GALNT13: variants seen among roughly 807,000 people sequenced by gnomAD.
GALNT13 encodes UDP-GalNAc:polypeptide N-acetylgalactosaminyltransferase 13.
GALNT13 carries 28 observed loss-of-function variants against 64.2 expected under a neutral mutation model. The ratio of observed to expected loss-of-function variants is 0.44; its 90% CI spans 0.32 to 0.60. The LOEUF is 0.60. Among genes scored for constraint, GALNT13 ranks in the 20% least tolerant of loss-of-function variants. The probability of loss-of-function intolerance (pLI) is 0.05; values close to 1 mark genes in which losing one functional copy is unlikely to be tolerated. For missense variants in GALNT13, 577 were observed against 669.8 expected (o/e 0.86, Z 1.53); for synonymous variants, 214 against 224.6 (o/e 0.95, Z 0.42).
At chr2:154,155,445 T>A (rs1365143376) in intron 4 of GALNT13, among the ~76,000 whole-genome samples, 1 of 152,056 alleles carries the variant, frequency 6.6e-6, no homozygotes, top group Non-Finnish European at 1.5e-5. Context: ...GGAGGAATAT[T>A]TGACTTCTGT....
intron 3 of GALNT13, among the ~76,000 whole-genome samples, chr2:153,997,789 C>A (rs1695621068): frequency 6.6e-6 from 1 of 152,076 alleles, no homozygotes; most frequent in Non-Finnish European, 1.5e-5. Context: ...GCTATCCCTT[C>A]CCTAGCCCCC....
chr2:154,245,389 G>A (rs10490532), intron 6 of GALNT13, among the ~76,000 whole-genome samples: 3,176 of 151,960 alleles, frequency 0.021, 80 homozygotes, highest in African/African-American at 0.064. Flanking sequence ...CTAAACTAAC[G>A]TACCCTACTT....
At chr2:154,332,331 A>G (rs1240251437) in intron 9 of GALNT13, among the ~76,000 whole-genome samples, 2 of 152,004 alleles carry the variant, frequency 1.3e-5, no homozygotes, top group East Asian at 3.9e-4. Flanking sequence ...TGGTTTTTAC[A>G]AGAGTTCCCT....
chr2:153,549,183 AATG>A, the GALNT13 span, among the ~76,000 whole-genome samples: 3 of 152,180 alleles, frequency 2.0e-5, no homozygotes, highest in Non-Finnish European at 2.9e-5. Context: ...ATTAGATAGT[AATG>A]ATGTTTGCAC....
intron 3 of GALNT13, among the ~76,000 whole-genome samples, chr2:154,079,008 T>C (rs1701131202): frequency 6.6e-6 from 1 of 151,770 alleles, no homozygotes; most frequent in South Asian, 2.1e-4. Context: ...TTAGCTATTA[T>C]CATTTCAAGA....
At chr2:154,027,225 C>T (rs1261040346) in intron 3 of GALNT13, among the ~76,000 whole-genome samples, 1 of 152,176 alleles carries the variant, frequency 6.6e-6, no homozygotes, top group African/African-American at 2.4e-5. Context: ...CTCACCTCTT[C>T]CTTGTTCCTA....
At chr2:153,438,382 G>A in the GALNT13 span, among the ~76,000 whole-genome samples, 4 of 152,264 alleles carry the variant, frequency 2.6e-5, no homozygotes, top group East Asian at 5.8e-4. Context: ...TGCTTTGCTC[G>A]ATTGGGGAAG....
intron 4 of GALNT13, among the ~76,000 whole-genome samples, chr2:154,211,629 C>CG: frequency 2.6e-5 from 1 of 37,932 alleles, no homozygotes; most frequent in Non-Finnish European, 4.4e-5. Flanking sequence ...ACTCCATCTC[C>CG]AAAAAAAAAA....
chr2:153,570,822 G>GT, the GALNT13 span, among the ~76,000 whole-genome samples: 1 of 151,994 alleles, frequency 6.6e-6, no homozygotes, highest in Admixed American at 6.6e-5. Flanking sequence ...CTATGTGTCT[G>GT]TTTTTATGAC....
the GALNT13 span, among the ~76,000 whole-genome samples, chr2:153,137,781 C>T: frequency 1.3e-5 from 2 of 150,758 alleles, no homozygotes; most frequent in East Asian, 2.0e-4. Context: ...TCTAGGGTAA[C>T]CAACCATCTG....
the GALNT13 span, among the ~76,000 whole-genome samples, chr2:153,464,298 C>G: frequency 1.2e-4 from 19 of 152,060 alleles, no homozygotes; most frequent in African/African-American, 4.3e-4. Context: ...ATCACTGTGC[C>G]TCCAGGTGCC....
the GALNT13 span, among the ~76,000 whole-genome samples, chr2:153,660,689 G>C: frequency 1.3e-5 from 2 of 151,854 alleles, no homozygotes; most frequent in Non-Finnish European, 2.9e-5. Flanking sequence ...AGCTGCTACA[G>C]TTAAACCACT....
intron 1 of GALNT13, among the ~76,000 whole-genome samples, chr2:153,892,106 A>T (rs1403514341): frequency 6.6e-6 from 1 of 151,962 alleles, no homozygotes; most frequent in Non-Finnish European, 1.5e-5. Context: ...GCTAACTTTC[A>T]ACCTGTTATC....
At chr2:153,083,621 G>A in the GALNT13 span, among the ~76,000 whole-genome samples, 1 of 151,914 alleles carries the variant, frequency 6.6e-6, no homozygotes, top group Admixed American at 6.6e-5. Context: ...TGAGTTTCCT[G>A]TAGATTCTGG....
the GALNT13 span, among the ~76,000 whole-genome samples, chr2:153,281,018 C>T: frequency 2.0e-5 from 3 of 152,264 alleles, no homozygotes; most frequent in African/African-American, 4.8e-5. Flanking sequence ...ACTAGAAGTA[C>T]TCATTTTATG....
intron 9 of GALNT13, among the ~76,000 whole-genome samples, chr2:154,362,691 A>T (rs1168906176): frequency 1.3e-5 from 2 of 152,168 alleles, no homozygotes; most frequent in Admixed American, 1.3e-4. Flanking sequence ...AGCTAAAAAA[A>T]CTGGTCATTG....
chr2:154,222,744 C>T (rs1688384220), intron 4 of GALNT13, among the ~76,000 whole-genome samples: 1 of 152,018 alleles, frequency 6.6e-6, no homozygotes, highest in African/African-American at 2.4e-5. Flanking sequence ...TGCACTTTCC[C>T]CATATGTTAC....
intron 3 of GALNT13, among the ~76,000 whole-genome samples, chr2:154,049,772 G>T (rs1202184138): frequency 4.0e-5 from 6 of 151,714 alleles, no homozygotes; most frequent in Admixed American, 3.3e-4. Context: ...GAAAAGAATG[G>T]GTTGTCTATT....
chr2:154,097,341 G>C (rs1254363582), intron 3 of GALNT13, among the ~76,000 whole-genome samples: 1 of 151,944 alleles, frequency 6.6e-6, no homozygotes, highest in Non-Finnish European at 1.5e-5. Context: ...TATCAGAAAT[G>C]CTATTACAGG....
Sources: allele counts gnomAD v4.1 joint callset (sites outside exome capture counted in the v4.1 genomes callset), GRCh38; gene constraint gnomAD v4.1.1; transcripts MANE v1.5; gene names NCBI Gene and HGNC (gene_info 2026-07-23, HGNC 2026-07-21).